The following TGM4 variants were observed in gnomAD, a reference collection of about 807,000 sequenced individuals.
TGM4 encodes the protein transglutaminase 4.
Under a neutral mutation model 76.3 loss-of-function variants are expected in TGM4, and 61 were observed. The observed-to-expected ratio is 0.80, with a 90% CI of 0.65 to 0.99. The LOEUF is 0.99. TGM4 is among the 50% of genes least tolerant of loss of function. The probability of loss-of-function intolerance (pLI) is 0.00; values close to 1 mark genes in which losing one functional copy is unlikely to be tolerated. For missense variants in TGM4, 794 were observed against 843.2 expected (o/e 0.94, Z 0.72); for synonymous variants, 337 against 329.8 (o/e 1.02, Z -0.24).
intron 2 of TGM4, among the ~76,000 whole-genome samples, chr3:44,886,568 C>T (rs1332205251): frequency 3.3e-5 from 5 of 152,182 alleles, no homozygotes; most frequent in Non-Finnish European, 5.9e-5. Context: ...GGACTGGGAC[C>T]GTGCTGTTGC....
intron 6 of TGM4, among the ~76,000 whole-genome samples, chr3:44,901,116 T>C (rs547473660): frequency 6.6e-6 from 1 of 152,288 alleles, no homozygotes; most frequent in South Asian, 2.1e-4. Context: ...GGCGTGCGCC[T>C]GTAGTCCCAA....
intron 8 of TGM4, 40 bp from the exon 9 acceptor site, chr3:44,903,844 G>C: frequency 6.3e-7 from 1 of 1,575,858 alleles, no homozygotes; most frequent in Non-Finnish European, 8.7e-7. Flanking sequence ...ACTAGGTTTG[G>C]GGGTGGTCCG....
At chr3:44,883,415 A>G (rs372402148) in intron 1 of TGM4, among the ~76,000 whole-genome samples, 166 of 152,304 alleles carry the variant, frequency 1.1e-3, no homozygotes, top group African/African-American at 3.7e-3. Context: ...CTATGTTACA[A>G]TGCAGCAAGA....
chr3:44,902,989 T>C (rs1343969107), intron 8 of TGM4, among the ~76,000 whole-genome samples: 2 of 152,230 alleles, frequency 1.3e-5, no homozygotes, highest in Admixed American at 1.3e-4. Flanking sequence ...CTAGTTCACG[T>C]ACCAAGATGA....
chr3:44,894,558 T>C (rs992297948), intron 5 of TGM4, among the ~76,000 whole-genome samples: 4 of 151,046 alleles, frequency 2.6e-5, no homozygotes, highest in Admixed American at 1.3e-4. Context: ...TGGAGGCCTC[T>C]GCTGAGTGGA....
chr3:44,890,210 T>C (rs1699670212), intron 3 of TGM4: 1 of 169,810 alleles, frequency 5.9e-6, no homozygotes, highest in Admixed American at 5.8e-5. Flanking sequence ...CGAGACGAGA[T>C]TCGAGTGGGG....
intron 4 of TGM4, 107 bp downstream of exon 4, chr3:44,890,839 A>C (rs540820722): frequency 7.1e-7 from 1 of 1,414,746 alleles, no homozygotes; most frequent in Non-Finnish European, 9.7e-7. Context: ...GGTACTTGCA[A>C]ACTAGTTTAA....
intron 10 of TGM4, among the ~76,000 whole-genome samples, chr3:44,908,073 A>G (rs946655841): frequency 1.3e-5 from 2 of 152,222 alleles, no homozygotes; most frequent in Admixed American, 6.5e-5. Context: ...AGTTACAAGC[A>G]GGTCAGTTTG....
At chr3:44,905,291 C>A (rs200633643) in intron 9 of TGM4, among the ~76,000 whole-genome samples, 1 of 148,536 alleles carries the variant, frequency 6.7e-6, no homozygotes, top group Non-Finnish European at 1.5e-5. Flanking sequence ...CAGCCTCAAA[C>A]TTTTTTTTTT....
intron 4 of TGM4, among the ~76,000 whole-genome samples, chr3:44,893,316 C>T (rs896609639): frequency 6.6e-6 from 1 of 152,194 alleles, no homozygotes; most frequent in Admixed American, 6.5e-5. Flanking sequence ...CTCTCTCTTT[C>T]TTTTCAGTGG....
intron 5 of TGM4, 148 bp downstream of exon 5, chr3:44,893,843 G>A (rs1223293331): frequency 1.3e-6 from 1 of 748,712 alleles, no homozygotes; most frequent in Non-Finnish European, 2.3e-6. Context: ...GGCCATAGAG[G>A]GGTGACCTGC....
chr3:44,910,423 G>A (rs1016096040), intron 11 of TGM4, 55 bp downstream of exon 11: 7 of 1,572,748 alleles, frequency 4.5e-6, no homozygotes, highest in Non-Finnish European at 6.0e-6. Flanking sequence ...CCCACAATCT[G>A]AAATCCCTCT....
intron 4 of TGM4, 113 bp from the exon 5 acceptor site, chr3:44,893,464 C>CA: frequency 2.2e-6 from 2 of 908,268 alleles, no homozygotes; most frequent in Admixed American, 1.8e-5. Context: ...TTGGGTGTTC[C>CA]AAGCCCCTCA....
In TGM4 at chr3:44,881,357, T is replaced by C. The variant is rs113798716; in HGVS notation, c.20-3968T>C. Reference sequence around the variant, plus strand: ...CTTACCAGAAGGAAGGAGAAGGAAATTGTATTAGTTTATTTTCTGTTGCTT... The same window carrying C: ...CTTACCAGAAGGAAGGAGAAGGAAACTGTATTAGTTTATTTTCTGTTGCTT... On this transcript the variant is annotated intron_variant, in intron 1 of 13. Coordinates refer to ENST00000296125, the MANE Select transcript of TGM4 (RefSeq NM_003241.4). Among the ~76,000 whole-genome samples the C allele has an allele frequency of 6.5e-3, 988 of 152,322 alleles. 9 individuals are homozygous for C. Among genetic ancestry groups the C allele is most frequent in the African/African-American group, 0.022 (903 of 41,570 alleles).
intron 10 of TGM4, among the ~76,000 whole-genome samples, chr3:44,908,517 T>G (rs1699957054): frequency 6.6e-6 from 1 of 152,124 alleles, no homozygotes; most frequent in East Asian, 1.9e-4. Flanking sequence ...CCCTCAGGTC[T>G]CTGAGGCTCT....
rs1272111027 is a variant in TGM4 at position 44,910,172 on chromosome 3, G to A, written c.1410G>A (p.Glu470=). 6.2e-7 allele frequency: 1 copy of A among 1,614,208 alleles called. No individual in the cohort carries two copies. The highest frequency in any genetic ancestry group is 1.7e-5 in the Admixed American group (1 of 60,024). ...SEREHRRPVK[E]NFLHMSVQSD... ...GGGAGCACAGACGACCTGTAAAAGA[G>A]AACTTTCTTCACATGTCGGTACAAT... The change falls in exon 11 of 14, where the codon GAG becomes GAA. Residue 470 remains glutamate (E), a synonymous_variant. Coordinates refer to ENST00000296125, the MANE Select transcript of TGM4 (RefSeq NM_003241.4).
At chr3:44,906,398 AAAAT>A (rs991446708) in intron 9 of TGM4, among the ~76,000 whole-genome samples, 3 of 152,210 alleles carry the variant, frequency 2.0e-5, no homozygotes, top group Non-Finnish European at 2.9e-5. Context: ...ACAAAAATGA[AAAAT>A]AAATAAATAA....
At chr3:44,907,821 G>GT (rs1228602804) in intron 10 of TGM4, among the ~76,000 whole-genome samples, 5 of 152,158 alleles carry the variant, frequency 3.3e-5, no homozygotes, top group Non-Finnish European at 5.9e-5. Flanking sequence ...TGACAGATTT[G>GT]TATTTCCCCT....
intron 6 of TGM4, among the ~76,000 whole-genome samples, chr3:44,897,161 C>A (rs1444002898): frequency 1.3e-5 from 2 of 152,078 alleles, no homozygotes; most frequent in African/African-American, 2.4e-5. Flanking sequence ...CATGCCACCA[C>A]GCCCGGCTAA....
Sources: allele counts gnomAD v4.1 joint callset (sites outside exome capture counted in the v4.1 genomes callset), GRCh38; gene constraint gnomAD v4.1.1; transcripts MANE v1.5; gene names NCBI Gene and HGNC (gene_info 2026-07-23, HGNC 2026-07-21).